PALM2AKAP2: variants seen among roughly 807,000 people sequenced by gnomAD.
PALM2AKAP2 encodes PALM2-AKAP2 fusion protein.
Under a neutral mutation model 71.5 loss-of-function variants are expected in PALM2AKAP2, and 37 were observed. The ratio of observed to expected loss-of-function variants is 0.52; its 90% confidence interval spans 0.40 to 0.68. The LOEUF is 0.68. Ranked by LOEUF, PALM2AKAP2 falls within the 30% of genes least tolerant of loss-of-function variation. PALM2AKAP2 has a pLI of 0.00. For synonymous variants in PALM2AKAP2, 468 were observed against 478.8 expected (o/e 0.98, Z 0.29); for missense variants, 1,224 against 1,191.8 (o/e 1.03, Z -0.40).
In PALM2AKAP2 at chr9:109,891,544, T is replaced by C. The variant is rs118075637; in HGVS notation, c.257+10863T>C. Among the ~76,000 whole-genome samples the C allele has an allele frequency of 9.2e-5, 14 of 152,116 alleles. No homozygotes were observed. In the East Asian group the frequency reaches 2.7e-3, roughly 29 times the overall value. On this transcript the variant is annotated intron_variant, in intron 3 of 9. Coordinates refer to the PALM2AKAP2 transcript ENST00000302798. ...CACTCTGTAGCCAGGCTGGAGTGCA[T>C]TGGCAGAATCTCAGCTCACTGCAAC...
At chr9:109,745,161 A>G (rs762987050) in intron 1 of PALM2AKAP2, among the ~76,000 whole-genome samples, 2 of 152,150 alleles carry the variant, frequency 1.3e-5, no homozygotes, top group African/African-American at 2.4e-5. Flanking sequence ...GACCACTGCC[A>G]TGACCAGCGA....
chr9:109,683,944 T>C (rs1049065867), intron 1 of PALM2AKAP2, among the ~76,000 whole-genome samples: 3 of 152,176 alleles, frequency 2.0e-5, no homozygotes, highest in Non-Finnish European at 4.4e-5. Flanking sequence ...AAAAATGAGA[T>C]AATGAGATAA....
chr9:109,707,912 G>A (rs747294716), intron 1 of PALM2AKAP2, among the ~76,000 whole-genome samples: 6 of 152,144 alleles, frequency 3.9e-5, no homozygotes, highest in Admixed American at 2.0e-4. Flanking sequence ...TCACAGATGA[G>A]GAAACAGGCT....
At chr9:109,948,075 A>C (rs1281762658) in intron 6 of PALM2AKAP2, among the ~76,000 whole-genome samples, 1 of 152,176 alleles carries the variant, frequency 6.6e-6, no homozygotes, top group Non-Finnish European at 1.5e-5. Context: ...CCACCAGTTC[A>C]CTTCACAAAG....
At chr9:110,080,173 G>T (rs936483309) in intron 1 of PALM2AKAP2, among the ~76,000 whole-genome samples, 7 of 151,644 alleles carry the variant, frequency 4.6e-5, no homozygotes, top group African/African-American at 1.5e-4. Flanking sequence ...ACATTCAGCA[G>T]CTACTACACG....
At chr9:109,698,950 A>G (rs995680713) in intron 1 of PALM2AKAP2, among the ~76,000 whole-genome samples, 7 of 152,222 alleles carry the variant, frequency 4.6e-5, no homozygotes, top group Admixed American at 3.3e-4. Context: ...ATTTAATGCT[A>G]TATGCATGTA....
chr9:109,936,181 G>A (rs946879571), intron 6 of PALM2AKAP2, among the ~76,000 whole-genome samples: 17 of 152,056 alleles, frequency 1.1e-4, no homozygotes, highest in Admixed American at 1.0e-3. Context: ...ATCAAAAAAG[G>A]GTAATGAGGA....
chr9:109,640,999 GGT>G (rs1438977591), intron 1 of PALM2AKAP2: 1 of 1,310,900 alleles, frequency 7.6e-7, no homozygotes. Context: ...GTGTACGCCT[GGT>G]GTTTCTATAG....
At chr9:109,888,623 T>G (rs1830018528) in intron 3 of PALM2AKAP2, among the ~76,000 whole-genome samples, 1 of 142,506 alleles carries the variant, frequency 7.0e-6, no homozygotes, top group Non-Finnish European at 1.5e-5. Context: ...GGCAGGAAAA[T>G]CACTTGAACC....
chr9:109,892,937 T>C (rs1442698506), intron 3 of PALM2AKAP2, among the ~76,000 whole-genome samples: 6 of 152,184 alleles, frequency 3.9e-5, no homozygotes, highest in South Asian at 2.1e-4. Context: ...ATGTACAATA[T>C]ATAAACAATC....
chr9:109,800,130 C>G (rs1827381330), intron 1 of PALM2AKAP2, among the ~76,000 whole-genome samples: 1 of 152,156 alleles, frequency 6.6e-6, no homozygotes. Flanking sequence ...CCCAGCACCT[C>G]CCATGTGCCA....
intron 1 of PALM2AKAP2, among the ~76,000 whole-genome samples, chr9:110,078,225 A>C (rs914103218): frequency 2.0e-5 from 3 of 152,158 alleles, no homozygotes; most frequent in Non-Finnish European, 2.9e-5. Context: ...TCAACCCCTG[A>C]TTTAGACAGG....
At chr9:109,722,984 T>C (rs1043230627) in intron 1 of PALM2AKAP2, among the ~76,000 whole-genome samples, 9 of 152,168 alleles carry the variant, frequency 5.9e-5, no homozygotes, top group African/African-American at 2.2e-4. Context: ...TGCCAGGTTC[T>C]AGTTCCAATT....
intron 1 of PALM2AKAP2, among the ~76,000 whole-genome samples, chr9:109,725,672 G>A (rs967301665): frequency 4.6e-5 from 7 of 152,146 alleles, no homozygotes; most frequent in Non-Finnish European, 8.8e-5. Flanking sequence ...TGTCATAGAG[G>A]TGTGCATATT....
intron 1 of PALM2AKAP2, among the ~76,000 whole-genome samples, chr9:109,784,895 G>A (rs918441935): frequency 2.0e-5 from 3 of 150,536 alleles, no homozygotes; most frequent in Non-Finnish European, 4.5e-5. Context: ...AAGCCAGGAG[G>A]CCTACCTCCT....
intron 1 of PALM2AKAP2, among the ~76,000 whole-genome samples, chr9:109,824,718 A>G (rs1252455371): frequency 6.6e-6 from 1 of 152,198 alleles, no homozygotes; most frequent in Non-Finnish European, 1.5e-5. Flanking sequence ...AGGCAGATGT[A>G]TGTATGTTTG....
chr9:109,823,963 A>G (rs1052818550), intron 1 of PALM2AKAP2, among the ~76,000 whole-genome samples: 4 of 152,086 alleles, frequency 2.6e-5, no homozygotes, highest in African/African-American at 9.7e-5. Flanking sequence ...ATCATGGCTC[A>G]CTACAGCCTC....
intron 1 of PALM2AKAP2, among the ~76,000 whole-genome samples, chr9:109,715,544 G>A (rs997486691): frequency 3.3e-5 from 5 of 152,100 alleles, no homozygotes; most frequent in Non-Finnish European, 1.5e-5. Context: ...CAATCCAGCC[G>A]CTCAGCCTGC....
At chr9:109,821,792 C>T (rs987072694) in intron 1 of PALM2AKAP2, among the ~76,000 whole-genome samples, 13 of 152,298 alleles carry the variant, frequency 8.5e-5, no homozygotes, top group Non-Finnish European at 1.6e-4. Context: ...CCCCCCTGGA[C>T]GTGACTCTGC....
Sources: allele counts gnomAD v4.1 joint callset (sites outside exome capture counted in the v4.1 genomes callset), GRCh38; gene constraint gnomAD v4.1.1; transcripts MANE v1.5; gene names NCBI Gene and HGNC (gene_info 2026-07-23, HGNC 2026-07-21).